The following FAM193B variants were observed in gnomAD, a reference collection of about 807,000 sequenced individuals.
The protein encoded by FAM193B is protein FAM193B.
In FAM193B, 27 loss-of-function variants were observed where a neutral mutation model predicts 70.7. That is an observed-to-expected ratio of 0.38 (90% CI 0.28 to 0.53). The LOEUF is 0.53. Among genes scored for constraint, FAM193B ranks in the 20% least tolerant of loss-of-function variants. The probability of loss-of-function intolerance (pLI) is 0.81; values close to 1 mark genes in which losing one functional copy is unlikely to be tolerated. For synonymous variants in FAM193B, 448 were observed against 436.0 expected (o/e 1.03, Z -0.34); for missense variants, 1,022 against 1,072.5 (o/e 0.95, Z 0.66).
rs1189930524 is a variant in FAM193B at position 177,536,454 on chromosome 5, G to A, written c.980C>T (p.Ser327Leu). Residue 327 changes from serine to leucine, a missense_variant, in exon 4 of 9, where the codon TCG becomes TTG. By Grantham distance (145) the Ser-to-Leu change is moderately radical (BLOSUM62 -2). Coordinates refer to ENST00000514747, the MANE Select transcript of FAM193B (RefSeq NM_001190946.3). ...MPLLKMPPPF[S>L]GCSHPCSGHC... ...CCCGCTGCAGGGGTGGCTGCACCCC[G>A]AGAATGGTGGGGGCATCTTCAGGAG... is the stretch of plus-strand genomic sequence containing the variant. 5.0e-6 allele frequency: 8 copies of A among 1,589,418 alleles called. No individual in the cohort carries two copies. Among genetic ancestry groups the A allele is most frequent in the African/African-American group, 1.4e-5 (1 of 73,630 alleles).
At position 177,524,174 on chromosome 5, in the gene FAM193B, G is replaced by A; in HGVS notation, c.2296+11C>T. 6.4e-7 allele frequency: 1 copy of A among 1,574,594 alleles called. No individual in the cohort carries two copies. Among genetic ancestry groups the A allele is most frequent in the Non-Finnish European group, 8.6e-7 (1 of 1,159,178 alleles). Reference sequence around the variant, plus strand: ...GTAGGGGGTCAGCCGCTCAGTTCCTGGTGCACTCACCCAAGGAGGAGGCTG... The same window carrying A: ...GTAGGGGGTCAGCCGCTCAGTTCCTAGTGCACTCACCCAAGGAGGAGGCTG... On this transcript the variant is annotated intron_variant, in intron 6 of 8. Transcript: ENST00000514747.
chr5:177,539,978 C>CT lies in FAM193B; in HGVS notation c.211-832dup, dbSNP rs113794199. On this transcript the variant is annotated intron_variant, in intron 1 of 8. Coordinates refer to ENST00000514747, the MANE Select transcript of FAM193B (RefSeq NM_001190946.3). ...AGGCCCAATACAGTCATTATTTGGA[C>CT]TTTTTTTTTTGCCTTCTGTGACAAA... Among the ~76,000 whole-genome samples the CT allele has an allele frequency of 2.4e-3, 362 of 148,478 alleles. 2 individuals carry two copies. Among genetic ancestry groups the CT allele is most frequent in the Non-Finnish European group, 3.8e-3 (251 of 66,772 alleles).
chr5:177,525,558 A>C, intron 5 of FAM193B: 1 of 194,580 alleles, frequency 5.1e-6, no homozygotes, highest in East Asian at 1.2e-4. Context: ...CTCCACCCCT[A>C]CGGGTGGTGG....
intron 1 of FAM193B, among the ~76,000 whole-genome samples, chr5:177,543,021 G>C (rs1765034988): frequency 6.6e-6 from 1 of 152,154 alleles, no homozygotes; most frequent in Admixed American, 6.5e-5. Flanking sequence ...TGCCTACAGA[G>C]AAAGGCCCAT....
At chr5:177,520,476 A>G (rs1761551698) in intron 8 of FAM193B, among the ~76,000 whole-genome samples, 1 of 152,186 alleles carries the variant, frequency 6.6e-6, no homozygotes, top group South Asian at 2.1e-4. Context: ...CCAGCTGTGC[A>G]GCTGTGCTCC....
At chr5:177,523,096 T>C (rs935101313) in intron 7 of FAM193B, 1 of 215,116 alleles carries the variant, frequency 4.6e-6, no homozygotes, top group African/African-American at 2.4e-5. Context: ...ACCTCCCAGG[T>C]TCCAGCGATT....
chr5:177,540,574 C>T (rs1215607482), intron 1 of FAM193B, among the ~76,000 whole-genome samples: 1 of 152,180 alleles, frequency 6.6e-6, no homozygotes, highest in Non-Finnish European at 1.5e-5. Flanking sequence ...CTTGCTCACT[C>T]CTGAACCTCT....
At chr5:177,553,750 T>C (rs1766629367) in intron 1 of FAM193B, 5 of 1,287,670 alleles carry the variant, frequency 3.9e-6, no homozygotes, top group South Asian at 1.2e-5. Context: ...CTGCTGGGTA[T>C]GGCGAGGAGG....
intron 8 of FAM193B, 75 bp downstream of exon 8, chr5:177,521,899 T>C: frequency 8.7e-7 from 1 of 1,150,626 alleles, no homozygotes; most frequent in Non-Finnish European, 1.3e-6. Flanking sequence ...GAGCACAGAA[T>C]GGTCTGGTGA....
In FAM193B at chr5:177,522,078, G is replaced by A. The variant is rs1467471302; in HGVS notation, c.2373-7C>T. The A allele has an allele frequency of 6.2e-7, 1 of 1,612,002 alleles. No homozygotes were observed. The highest frequency in any genetic ancestry group is 8.5e-7 in the Non-Finnish European group (1 of 1,178,266). On this transcript the variant is annotated splice_polypyrimidine_tract_variant and splice_region_variant and intron_variant, in intron 7 of 8. Coordinates refer to ENST00000514747, the MANE Select transcript of FAM193B (RefSeq NM_001190946.3). ...TGCAGAATCCAAACAGAACCTGTTG[G>A]GTTTGGGGGACACATGAGAAGCACA...
chr5:177,554,538 TC>T lies in FAM193B; in HGVS notation c.-81del, dbSNP rs1333415903. The T allele has an allele frequency of 1.6e-6, 1 of 623,986 alleles. No homozygotes were observed. The highest frequency in any genetic ancestry group is 1.9e-6 in the Non-Finnish European group (1 of 515,204). The allele number at this position is 623,986 out of a possible 1,614,324, so 38.7% of individuals were successfully genotyped here. On this transcript the variant is annotated 5_prime_UTR_variant, in exon 1 of 9. Coordinates refer to ENST00000514747, the MANE Select transcript of FAM193B (RefSeq NM_001190946.3). Reference sequence around the variant, plus strand: ...CCGCCGCCGCCGCCGCCGCTACCGCTCCCCTCACAGGACAACAGCCAATATG... The same window carrying T: ...CCGCCGCCGCCGCCGCCGCTACCGCTCCCTCACAGGACAACAGCCAATATG...
At chr5:177,552,631 C>T (rs1018282767) in intron 1 of FAM193B, among the ~76,000 whole-genome samples, 56 of 152,320 alleles carry the variant, frequency 3.7e-4, no homozygotes, top group African/African-American at 1.3e-3. Context: ...AGCACTCCCA[C>T]GGGGGTCCCA....
Position 177,521,961 on chromosome 5 carries a change from G to C in FAM193B, c.*1+13C>G. 1.2e-6 allele frequency: 2 copies of C among 1,607,126 alleles called. No individual in the cohort carries two copies. The highest frequency in any genetic ancestry group is 2.2e-5 in the East Asian group (1 of 44,854). On this transcript the variant is annotated intron_variant, in intron 8 of 8. Coordinates refer to ENST00000514747, the MANE Select transcript of FAM193B (RefSeq NM_001190946.3). ...GGGAGAGGCAGTGGATGTAACTCTT[G>C]GGGTCTCTGTACCTCACTGAGCTGT...
At chr5:177,525,360 G>C in intron 5 of FAM193B, 155 bp from the exon 6 acceptor site, 1 of 616,956 alleles carries the variant, frequency 1.6e-6, no homozygotes, top group Non-Finnish European at 2.4e-6. Context: ...AGGAGTGAGG[G>C]CAAACTGCAG....
Position 177,536,732 on chromosome 5 carries a change from G to T in FAM193B, c.702C>A (p.Pro234=). The change falls in exon 4 of 9, where the codon CCC becomes CCA. Residue 234 remains proline, a synonymous_variant. Transcript: ENST00000514747. The part of the protein sequence containing the change: ...SPPTIPGEAF[P]VSEHHQHSDL... ...CTGAGTGCTGGTGGTGCTCCGAGAC[G>T]GGGAAAGCCTCACCTGTGGGCAGAG... 6.4e-7 allele frequency: 1 copy of T among 1,556,986 alleles called. No homozygotes were observed. Among genetic ancestry groups the T allele is most frequent in the East Asian group, 2.4e-5 (1 of 41,564 alleles).
At chr5:177,546,279 T>C (rs1394482979) in intron 1 of FAM193B, among the ~76,000 whole-genome samples, 4 of 152,242 alleles carry the variant, frequency 2.6e-5, no homozygotes, top group Admixed American at 6.5e-5. Context: ...TTCTATTTAG[T>C]ATAGCATCAT....
At chr5:177,546,680 C>A (rs1765466174) in intron 1 of FAM193B, among the ~76,000 whole-genome samples, 1 of 152,246 alleles carries the variant, frequency 6.6e-6, no homozygotes, top group Non-Finnish European at 1.5e-5. Flanking sequence ...GTTACCCAAA[C>A]TTCCATGCAG....
intron 1 of FAM193B, chr5:177,552,006 A>T (rs1347086148): frequency 4.5e-5 from 41 of 919,590 alleles, no homozygotes; most frequent in South Asian, 5.0e-5. Flanking sequence ...GCTATAGTTT[A>T]AAAAAAAATG....
intron 5 of FAM193B, chr5:177,525,451 TCA>T (rs1350172063): frequency 1.0e-5 from 4 of 386,840 alleles, no homozygotes; most frequent in Non-Finnish European, 1.8e-5. Flanking sequence ...ACCCAGAGCC[TCA>T]GTTTCAGTGG....
Sources: gnomAD v4.1 joint callset for allele counts (sites outside exome capture counted in the v4.1 genomes callset) on GRCh38, gnomAD v4.1.1 for gene constraint, MANE v1.5 for transcripts, NCBI Gene and HGNC (gene_info 2026-07-23, HGNC 2026-07-21) for gene names.